The following RALGAPB variants were observed in gnomAD, a reference collection of about 807,000 sequenced individuals.
RALGAPB encodes the protein ral GTPase-activating protein subunit beta.
A neutral mutation model predicts 161.1 loss-of-function variants in RALGAPB; 25 were observed. The observed-to-expected ratio is 0.16, with a 90% confidence interval of 0.11 to 0.22. The LOEUF (loss-of-function observed/expected upper bound fraction) is 0.22. Among genes scored for constraint, RALGAPB ranks in the 10% least tolerant of loss-of-function variants. The pLI is 1.00. For synonymous variants in RALGAPB, 629 were observed against 626.1 expected, an observed-to-expected ratio of 1.00 and a Z score of -0.07; for missense variants, 1,391 against 1,815.2, an observed-to-expected ratio of 0.77 and a Z score of 4.25.
chr20:38,481,535 T>C (rs1367603040), intron 1 of RALGAPB, among the ~76,000 whole-genome samples: 2 of 152,192 alleles, frequency 1.3e-5, no homozygotes, highest in Non-Finnish European at 2.9e-5. Flanking sequence ...ATTCATTCGC[T>C]GTCATGAGAA....
intron 18 of RALGAPB, among the ~76,000 whole-genome samples, chr20:38,545,173 CA>C (rs2087122196): frequency 6.6e-6 from 1 of 152,112 alleles, no homozygotes. Context: ...GATAGACTCG[CA>C]AAGCACATCA....
At chr20:38,510,639 G>A (rs1011772871) in intron 6 of RALGAPB, among the ~76,000 whole-genome samples, 1 of 120,104 alleles carries the variant, frequency 8.3e-6, no homozygotes, top group Non-Finnish European at 1.5e-5. Flanking sequence ...GGCCGGGCGC[G>A]GTGGCTCACG....
intron 1 of RALGAPB, among the ~76,000 whole-genome samples, chr20:38,487,796 G>T (rs559100440): frequency 6.6e-6 from 1 of 152,272 alleles, no homozygotes; most frequent in East Asian, 1.9e-4. Context: ...GCTGGGCACG[G>T]TGGCTCACAC....
intron 5 of RALGAPB, among the ~76,000 whole-genome samples, chr20:38,508,486 T>C (rs541148112): frequency 5.3e-5 from 8 of 152,124 alleles, no homozygotes; most frequent in African/African-American, 1.9e-4. Flanking sequence ...AAGTAAAAAG[T>C]GATGAAGCTG....
chr20:38,479,424 C>T (rs1364099253), intron 1 of RALGAPB, among the ~76,000 whole-genome samples: 2 of 152,202 alleles, frequency 1.3e-5, no homozygotes, highest in South Asian at 2.1e-4. Flanking sequence ...TAATTAATGT[C>T]AGGCTATGGT....
Position 38,540,008 on chromosome 20 carries a change from A to G in RALGAPB, c.2562+50A>G, listed in dbSNP as rs369663480. On this transcript the variant is annotated intron_variant, in intron 17 of 29. Transcript: ENST00000262879. ...TTAAGTAAAAACAAAAATGTATGCT[A>G]GCAAAATGCCTTTTGAAAGAGAATA... is the stretch of plus-strand genomic sequence containing the variant. 9.9e-6 allele frequency: 15 copies of G among 1,510,894 alleles called. No individual in the cohort carries two copies. In the African/African-American group the frequency reaches 1.7e-4, roughly 17 times the overall value. The allele number at this position is 1,510,894 out of a possible 1,614,324, so 93.6% of individuals were successfully genotyped here.
chr20:38,517,487 T>C lies in RALGAPB; in HGVS notation c.1052-19T>C. ...GACCTATGAAGAATAATTTCATTTG[T>C]CTTTTTTTTTTTTTTAAGGTATTTC... On this transcript the variant is annotated intron_variant, in intron 7 of 29. Coordinates refer to ENST00000262879, the MANE Select transcript of RALGAPB (RefSeq NM_020336.4). The C allele has an allele frequency of 6.5e-7, 1 of 1,534,338 alleles. No individual in the cohort carries two copies. The highest frequency in any genetic ancestry group is 8.8e-7 in the Non-Finnish European group (1 of 1,142,448).
At chr20:38,508,098 A>T (rs2085819977) in intron 5 of RALGAPB, among the ~76,000 whole-genome samples, 2 of 151,264 alleles carry the variant, frequency 1.3e-5, no homozygotes. Context: ...AAAAATTTAC[A>T]TATTGTATGA....
intron 1 of RALGAPB, among the ~76,000 whole-genome samples, chr20:38,473,836 A>G (rs1447335559): frequency 6.6e-6 from 1 of 152,208 alleles, no homozygotes; most frequent in Non-Finnish European, 1.5e-5. Flanking sequence ...CCAGACTTCA[A>G]TATTTTTTTT....
chr20:38,510,127 CACAT>C (rs2085891369), intron 6 of RALGAPB, among the ~76,000 whole-genome samples: 1 of 86,142 alleles, frequency 1.2e-5, no homozygotes, highest in South Asian at 3.3e-4. Flanking sequence ...CACACACACG[CACAT>C]ACACACACAC....
At chr20:38,535,271 C>T (rs895271873) in intron 16 of RALGAPB, 64 bp downstream of exon 16, 14 of 1,537,404 alleles carry the variant, frequency 9.1e-6, no homozygotes, top group Non-Finnish European at 1.1e-5. Context: ...TTTTCTGTAT[C>T]TCTTAACCCC....
intron 9 of RALGAPB, among the ~76,000 whole-genome samples, chr20:38,518,374 C>T (rs2086194623): frequency 6.6e-6 from 1 of 152,134 alleles, no homozygotes; most frequent in Non-Finnish European, 1.5e-5. Flanking sequence ...GAAGTGTTTT[C>T]GATTTTGACA....
In RALGAPB at chr20:38,525,529, G is replaced by C; in HGVS notation, c.1902+11G>C. On this transcript the variant is annotated intron_variant, in intron 12 of 29. Transcript: ENST00000262879. ...ACAGTCAAATCTGAGGTAATGTTTT[G>C]TTAAAGTTTTTTTATATCCTATATT... 2 of 1,562,186 alleles carry C rather than the reference G, an allele frequency of 1.3e-6. No homozygotes were observed. Among genetic ancestry groups the C allele is most frequent in the Middle Eastern group, 1.7e-4 (1 of 5,958 alleles).
intron 1 of RALGAPB, among the ~76,000 whole-genome samples, chr20:38,475,298 G>A (rs1352939742): frequency 6.6e-6 from 1 of 152,182 alleles, no homozygotes; most frequent in Non-Finnish European, 1.5e-5. Flanking sequence ...GAGAGAGGAC[G>A]TTAAGTACTT....
Position 38,558,444 on chromosome 20 carries a change from G to A in RALGAPB, c.3522G>A (p.Thr1174=), listed in dbSNP as rs150345407. The change falls in exon 23 of 30, where the codon ACG becomes ACA. Residue 1174 remains threonine, a synonymous_variant. Transcript: ENST00000262879. ...FIFYMKPGQK[T]NQEILKNVES... ...TCTATATGAAGCCAGGTCAGAAAAC[G>A]AACCAAGAGGTAAGAGTTACGAATT... 41 of 1,579,746 alleles carry A rather than the reference G, an allele frequency of 2.6e-5. No individual in the cohort carries two copies. In the African/African-American group the frequency reaches 3.4e-4, roughly 13 times the overall value.
intron 10 of RALGAPB, among the ~76,000 whole-genome samples, chr20:38,523,785 T>A (rs941273144): frequency 1.3e-5 from 2 of 152,138 alleles, no homozygotes; most frequent in Non-Finnish European, 2.9e-5. Context: ...AGGAACACCA[T>A]CTTTAGGGGG....
chr20:38,554,961 A>G (rs529765845), intron 22 of RALGAPB, among the ~76,000 whole-genome samples: 1 of 152,268 alleles, frequency 6.6e-6, no homozygotes, highest in South Asian at 2.1e-4. Context: ...TGGCACACCT[A>G]TAATACTAGC....
intron 28 of RALGAPB, among the ~76,000 whole-genome samples, chr20:38,572,961 T>G (rs1279705767): frequency 1.3e-5 from 2 of 152,200 alleles, no homozygotes; most frequent in Admixed American, 6.5e-5. Flanking sequence ...GAACAGTCCT[T>G]TTTTCTTTAT....
intron 8 of RALGAPB, 41 bp downstream of exon 8, chr20:38,517,695 G>A (rs369213613): frequency 9.9e-6 from 16 of 1,610,104 alleles, no homozygotes; most frequent in African/African-American, 1.3e-5. Flanking sequence ...TATAAGGTTG[G>A]CTTTTTAATC....
Sources: allele counts gnomAD v4.1 joint callset (sites outside exome capture counted in the v4.1 genomes callset), GRCh38; gene constraint gnomAD v4.1.1; transcripts MANE v1.5; gene names NCBI Gene and HGNC (gene_info 2026-07-23, HGNC 2026-07-21).